GABBR2: variants seen among roughly 807,000 people sequenced by gnomAD.
GABBR2 encodes the protein gamma-aminobutyric acid type B receptor subunit 2, also known as G-protein coupled receptor 51.
Under a neutral mutation model 105.6 loss-of-function variants are expected in GABBR2, and 23 were observed. The observed-to-expected ratio is 0.22, with a 90% CI of 0.16 to 0.31. GABBR2 has a LOEUF of 0.31. Ranked by LOEUF, GABBR2 falls within the 10% of genes least tolerant of loss-of-function variation. GABBR2 has a pLI of 1.00. For synonymous variants in GABBR2, 478 were observed against 499.7 expected (o/e 0.96, Z 0.58); for missense variants, 734 against 1,245.5 (o/e 0.59, Z 6.18).
chr9:98,389,732 T>A (rs1457400257), intron 9 of GABBR2, among the ~76,000 whole-genome samples: 1 of 152,242 alleles, frequency 6.6e-6, no homozygotes, highest in African/African-American at 2.4e-5. Flanking sequence ...CAAATCCATC[T>A]TTCAGTCCTG....
intron 1 of GABBR2, among the ~76,000 whole-genome samples, chr9:98,601,738 T>C (rs571560842): frequency 1.3e-5 from 2 of 152,168 alleles, no homozygotes; most frequent in African/African-American, 4.8e-5. Context: ...TGAAGCTCTG[T>C]TAAGGCCAGT....
intron 2 of GABBR2, among the ~76,000 whole-genome samples, chr9:98,562,696 T>C (rs1185190012): frequency 6.6e-6 from 1 of 152,212 alleles, no homozygotes; most frequent in African/African-American, 2.4e-5. Flanking sequence ...CATTGTACTT[T>C]AACTTCTTGT....
chr9:98,420,729 G>A (rs927416121), intron 7 of GABBR2, among the ~76,000 whole-genome samples: 1 of 152,180 alleles, frequency 6.6e-6, no homozygotes, highest in South Asian at 2.1e-4. Context: ...GCCCAGAAGC[G>A]CTAGGGAGAG....
At chr9:98,616,175 A>G (rs1022055843) in intron 1 of GABBR2, among the ~76,000 whole-genome samples, 1 of 152,242 alleles carries the variant, frequency 6.6e-6, no homozygotes, top group Non-Finnish European at 1.5e-5. Flanking sequence ...TCCCCAGGGA[A>G]GATACAGGGT....
In GABBR2 at chr9:98,558,684, C is replaced by T. The variant is rs2779604; in HGVS notation, c.460-16641G>A. 4.6e-3 allele frequency among the ~76,000 whole-genome samples: 694 copies of T among 152,310 alleles called. 2 individuals carry two copies. The highest frequency in any genetic ancestry group is 7.2e-3 in the Non-Finnish European group (490 of 68,028). ...TGACCACTCACATCATCAGCCAGGA[C>T]GCCCACAGCCACTCAAACCCTCCAG... On this transcript the variant is annotated intron_variant, in intron 2 of 18. Transcript: ENST00000259455.
At position 98,356,022 on chromosome 9, in the gene GABBR2, C is replaced by T. The variant is rs181011560; in HGVS notation, c.1893+6693G>A. ...GGACAACACGCAAAAGGAGTCTAGA[C>T]ATAGACCTTACACCTTTCACAAAAT... On this transcript the variant is annotated intron_variant, in intron 13 of 18. Transcript: ENST00000259455. 3.3e-5 allele frequency among the ~76,000 whole-genome samples: 5 copies of T among 152,294 alleles called. No homozygotes were observed. The East Asian group carries it at 9.6e-4, about 29-fold the overall frequency.
intron 3 of GABBR2, among the ~76,000 whole-genome samples, chr9:98,511,383 G>GA: frequency 1.3e-5 from 2 of 150,458 alleles, no homozygotes; most frequent in African/African-American, 4.9e-5. Context: ...AAAGCTAGCA[G>GA]AAGGCAAGAA....
intron 12 of GABBR2, among the ~76,000 whole-genome samples, chr9:98,370,494 C>A (rs894706154): frequency 1.3e-5 from 2 of 152,072 alleles, no homozygotes; most frequent in African/African-American, 4.8e-5. Context: ...GGTTGGACAC[C>A]TGGGTGGATG....
intron 7 of GABBR2, among the ~76,000 whole-genome samples, chr9:98,407,889 A>G (rs768830382): frequency 2.3e-4 from 35 of 152,210 alleles, no homozygotes; most frequent in Non-Finnish European, 4.6e-4. Flanking sequence ...TTTACTAAAT[A>G]TAACTATTTT....
intron 2 of GABBR2, among the ~76,000 whole-genome samples, chr9:98,544,967 G>A (rs749544909): frequency 1.3e-5 from 2 of 152,214 alleles, no homozygotes; most frequent in Non-Finnish European, 2.9e-5. Flanking sequence ...ATGCTCACCA[G>A]TGGGAGAAGG....
chr9:98,666,142 T>C (rs1438807598), intron 1 of GABBR2, among the ~76,000 whole-genome samples: 1 of 152,206 alleles, frequency 6.6e-6, no homozygotes, highest in Non-Finnish European at 1.5e-5. Context: ...ACCAGCCTGA[T>C]GGAGCAATGG....
chr9:98,580,810 A>C (rs1828991006), intron 1 of GABBR2, among the ~76,000 whole-genome samples: 1 of 151,440 alleles, frequency 6.6e-6, no homozygotes. Context: ...TCTGTTGGAC[A>C]CTCTCCCTTC....
chr9:98,372,616 T>C (rs887390549), intron 11 of GABBR2, among the ~76,000 whole-genome samples: 3 of 152,240 alleles, frequency 2.0e-5, no homozygotes, highest in Non-Finnish European at 4.4e-5. Context: ...CCAGAGGAAC[T>C]GAGCACAGTA....
At chr9:98,346,183 C>T (rs887608045) in intron 13 of GABBR2, among the ~76,000 whole-genome samples, 4 of 152,140 alleles carry the variant, frequency 2.6e-5, no homozygotes, top group African/African-American at 9.7e-5. Context: ...TTCTGCTTTT[C>T]GTAAATGATT....
intron 13 of GABBR2, among the ~76,000 whole-genome samples, chr9:98,322,851 G>C (rs1830848800): frequency 1.3e-5 from 2 of 151,538 alleles, no homozygotes; most frequent in African/African-American, 4.9e-5. Flanking sequence ...GGAGGACTTA[G>C]TCTGTGTTAG....
chr9:98,477,183 C>T (rs980771881), intron 5 of GABBR2, among the ~76,000 whole-genome samples: 1 of 152,224 alleles, frequency 6.6e-6, no homozygotes, highest in Non-Finnish European at 1.5e-5. Context: ...GCTACTCAAT[C>T]AACGGTTGTG....
intron 11 of GABBR2, among the ~76,000 whole-genome samples, chr9:98,371,929 T>A (rs752763922): frequency 2.4e-4 from 36 of 152,048 alleles, no homozygotes; most frequent in Non-Finnish European, 4.9e-4. Context: ...CTTCCCCTCC[T>A]CCCTTCCTTC....
intron 2 of GABBR2, among the ~76,000 whole-genome samples, chr9:98,549,654 G>T (rs114141310): frequency 6.6e-6 from 1 of 152,208 alleles, no homozygotes; most frequent in East Asian, 1.9e-4. Context: ...CCAGCTCTGG[G>T]CACTGAATGG....
At chr9:98,641,342 T>C (rs867297873) in intron 1 of GABBR2, among the ~76,000 whole-genome samples, 30 of 151,492 alleles carry the variant, frequency 2.0e-4, no homozygotes, top group Non-Finnish European at 2.9e-4. Context: ...TTCACCATGT[T>C]GGTCAGGCTG....
Sources: gnomAD v4.1 joint callset for allele counts (sites outside exome capture counted in the v4.1 genomes callset) on GRCh38, gnomAD v4.1.1 for gene constraint, MANE v1.5 for transcripts, NCBI Gene and HGNC (gene_info 2026-07-23, HGNC 2026-07-21) for gene names.